The following KLF16 variants were observed in gnomAD, a reference collection of about 807,000 sequenced individuals.
The protein encoded by KLF16 is Krueppel-like factor 16.
Under a neutral mutation model 6.1 loss-of-function variants are expected in KLF16, and 6 were observed. The observed-to-expected ratio is 0.98, with a 90% confidence interval of 0.54 to 1.93. The LOEUF is 1.93. Ranked by LOEUF, KLF16 falls within the 30% of genes most tolerant of loss-of-function variation. The pLI is 0.01. For synonymous variants in KLF16, 211 were observed against 176.5 expected, an observed-to-expected ratio of 1.20 and a Z score of -1.55; for missense variants, 355 against 363.8, an observed-to-expected ratio of 0.98 and a Z score of 0.20.
chr19:1,860,453 C>T (rs541169600), intron 1 of KLF16: 15 of 152,440 alleles, frequency 9.8e-5, no homozygotes, highest in African/African-American at 2.9e-4. Flanking sequence ...AGGTGGGGCT[C>T]CTCCAGTGTG....
intron 1 of KLF16, among the ~76,000 whole-genome samples, chr19:1,855,039 G>A (rs528321894): frequency 7.9e-5 from 12 of 152,256 alleles, no homozygotes; most frequent in African/African-American, 2.4e-4. Flanking sequence ...GTAAGTAACC[G>A]CCGCAGACCC....
At chr19:1,865,421 A>C (rs1305728482), upstream of KLF16, among the ~76,000 whole-genome samples, 2 of 152,226 alleles carry the variant, frequency 1.3e-5, no homozygotes, top group South Asian at 2.1e-4. Flanking sequence ...GCTTGTGGAC[A>C]GGTGTGTCTT....
In KLF16 at chr19:1,863,297, G is replaced by A. The variant is rs2012111027; in HGVS notation, c.201C>T (p.Gly67=). 2 of 982,838 alleles carry A rather than the reference G, an allele frequency of 2.0e-6. No homozygotes were observed. Among genetic ancestry groups the A allele is most frequent in the Admixed American group, 6.3e-5 (1 of 15,856 alleles). 60.9% of individuals were successfully genotyped at this position (982,838 alleles called of 1,614,324 possible). ...GPPPPPPAAS[G]PGPGAAAAPH... is the part of the protein sequence containing the mutation. ...GCGCCGCGGCGGCGCCGGGGCCCGG[G>A]CCAGAAGCGGCGGGGGGCGGCGGGG... Residue 67 remains glycine (G), a synonymous_variant, in exon 1 of 2, where the codon GGC becomes GGT. Coordinates refer to ENST00000250916, the MANE Select transcript of KLF16 (RefSeq NM_031918.4).
chr19:1,860,460 T>G (rs2012042184), intron 1 of KLF16: 1 of 152,218 alleles, frequency 6.6e-6, no homozygotes, highest in Non-Finnish European at 1.5e-5. Flanking sequence ...GCTCCTCCAG[T>G]GTGCCTCAGT....
At chr19:1,872,155 G>A in the KLF16 span, among the ~76,000 whole-genome samples, 2 of 152,094 alleles carry the variant, frequency 1.3e-5, no homozygotes, top group Non-Finnish European at 2.9e-5. Flanking sequence ...TTTTAAGATG[G>A]AGTCTTGCTG....
chr19:1,854,874 C>G, intron 1 of KLF16, 114 bp from the exon 2 acceptor site: 1 of 1,147,594 alleles, frequency 8.7e-7, no homozygotes, highest in Non-Finnish European at 1.2e-6. Flanking sequence ...GTTTTAGAGG[C>G]TGAGCTCTGG....
intron 1 of KLF16, among the ~76,000 whole-genome samples, chr19:1,856,636 A>G (rs1300724248): frequency 6.6e-6 from 1 of 152,172 alleles, no homozygotes; most frequent in Non-Finnish European, 1.5e-5. Context: ...GGCGCAGAGC[A>G]GCCCTGGAAG....
At position 1,863,317 on chromosome 19, in the gene KLF16, G is replaced by C; in HGVS notation, c.181C>G (p.Pro61Ala). ...CCCGGGCCAGAAGCGGCGGGGGGCG[G>C]CGGGGGTGGCCCCGGGGTCCCGGGT... ...ASPGTPGPPPPPPAASGPGPG... is the reference protein window; with the variant it reads ...ASPGTPGPPPAPPAASGPGPG... Residue 61 changes from proline (P) to alanine (A), a missense_variant, in exon 1 of 2, where the codon CCG becomes GCG. By Grantham distance (27) the Pro-to-Ala change is conservative. Transcript: ENST00000250916. 1 of 981,576 alleles carries C rather than the reference G, an allele frequency of 1.0e-6. No individual in the cohort carries two copies. The highest frequency in any genetic ancestry group is 1.2e-6 in the Non-Finnish European group (1 of 828,942). 60.8% of individuals were successfully genotyped at this position (981,576 alleles called of 1,614,324 possible).
In KLF16 at chr19:1,854,787, C is replaced by T. The variant is rs748988922; in HGVS notation, c.458-27G>A. 8 of 1,593,462 alleles carry T rather than the reference C, an allele frequency of 5.0e-6. No homozygotes were observed. The Admixed American group carries it at 5.1e-5, about 10-fold the overall frequency. ...TGGACGGAGAGACAGAGACAGACAG[C>T]GGGTCAGCGGGGGCGGGGGGAGATG... is the stretch of plus-strand genomic sequence containing the variant. On this transcript the variant is annotated intron_variant, in intron 1 of 1. Transcript: ENST00000250916.
chr19:1,864,155 C>G (rs1457927807), upstream of KLF16, among the ~76,000 whole-genome samples: 2 of 151,028 alleles, frequency 1.3e-5, no homozygotes, highest in East Asian at 3.9e-4. Context: ...CGCCCCCTCC[C>G]CGGATGCTTC....
the KLF16 span, chr19:1,875,118 G>C: frequency 6.6e-6 from 1 of 152,184 alleles, no homozygotes; most frequent in Non-Finnish European, 1.5e-5. Flanking sequence ...AGGGCGATTT[G>C]GTACCACCCC....
At chr19:1,872,632 G>A in the KLF16 span, among the ~76,000 whole-genome samples, 1 of 152,222 alleles carries the variant, frequency 6.6e-6, no homozygotes, top group Non-Finnish European at 1.5e-5. Context: ...CTCTGGTCTG[G>A]CGGGAGGTGC....
chr19:1,871,666 C>CG, the KLF16 span, among the ~76,000 whole-genome samples: 23 of 151,870 alleles, frequency 1.5e-4, no homozygotes, highest in African/African-American at 4.6e-4. Context: ...CGGTGGGGGG[C>CG]GGGGGGGCAG....
chr19:1,862,993 G>A (rs1160053987), intron 1 of KLF16, 48 bp downstream of exon 1: 5 of 1,179,846 alleles, frequency 4.2e-6, no homozygotes, highest in Admixed American at 3.3e-5. Context: ...CGGGGGAGGG[G>A]TCTCAGGCGG....
At chr19:1,867,995 CTTGAT>C (rs1163530583), upstream of KLF16, among the ~76,000 whole-genome samples, 6 of 151,100 alleles carry the variant, frequency 4.0e-5, no homozygotes, top group East Asian at 7.8e-4. Context: ...GCCATATCTT[CTTGAT>C]TTAAGACAGT....
At chr19:1,864,673 T>G (rs976972054), upstream of KLF16, among the ~76,000 whole-genome samples, 1 of 151,096 alleles carries the variant, frequency 6.6e-6, no homozygotes, top group Non-Finnish European at 1.5e-5. Context: ...TTCCCAGGCA[T>G]CGATTCTTGG....
Position 1,857,465 on chromosome 19 carries a change from C to T in KLF16, c.458-2705G>A, listed in dbSNP as rs577289953. 6.6e-6 allele frequency among the ~76,000 whole-genome samples: 1 copy of T among 152,328 alleles called. No homozygotes were observed. Among genetic ancestry groups the T allele is most frequent in the African/African-American group, 2.4e-5 (1 of 41,566 alleles). ...CCGCGGTGGACTTGACCCTCTGACT[C>T]AGGCTGGGCCCGGGTGAGCTCAGGA... On this transcript the variant is annotated intron_variant, in intron 1 of 1. Transcript: ENST00000250916. The surrounding 1 kb of genome is among the most constrained non-coding windows in gnomAD (Gnocchi z 4.7).
chr19:1,855,108 G>A (rs1484975735), intron 1 of KLF16, among the ~76,000 whole-genome samples: 1 of 152,292 alleles, frequency 6.6e-6, no homozygotes, highest in Admixed American at 6.5e-5. Flanking sequence ...ACCCTGGCAG[G>A]GATTAGCAAA....
rs1006298716 is a variant in KLF16 at position 1,857,699 on chromosome 19, G to A, written c.458-2939C>T. On this transcript the variant is annotated intron_variant, in intron 1 of 1. Transcript: ENST00000250916. This position sits in a 1 kb window ranked among gnomAD's most constrained non-coding sequence, Gnocchi z 4.7. ...GGGGGGCTGTGGCCGGCTGCCTGCC[G>A]GGGCACTCACGTCCACCTAACAGGT... 3.9e-5 allele frequency among the ~76,000 whole-genome samples: 6 copies of A among 151,988 alleles called. No homozygotes were observed. Among genetic ancestry groups the A allele is most frequent in the Non-Finnish European group, 8.8e-5 (6 of 67,956 alleles).
Sources: gnomAD v4.1 joint callset for allele counts (sites outside exome capture counted in the v4.1 genomes callset) on GRCh38, gnomAD v4.1.1 for gene constraint, Gnocchi (gnomAD v3.1) non-coding constraint, MANE v1.5 for transcripts, NCBI Gene and HGNC (gene_info 2026-07-23, HGNC 2026-07-21) for gene names.